The following SIPA1L2 variants were observed in gnomAD, a reference collection of about 807,000 sequenced individuals.
SIPA1L2 encodes signal induced proliferation associated 1 like 2.
A neutral mutation model predicts 163.9 loss-of-function variants in SIPA1L2; 56 were observed. The observed-to-expected ratio is 0.34, with a 90% confidence interval of 0.28 to 0.43. The LOEUF is 0.43. Ranked by LOEUF, SIPA1L2 falls within the 20% of genes least tolerant of loss-of-function variation. The pLI, the probability that SIPA1L2 is intolerant of heterozygous loss-of-function variation, is 1.00. For missense variants in SIPA1L2, 1,974 were observed against 2,193.5 expected (o/e 0.90, Z 2.00); for synonymous variants, 877 against 865.7 (o/e 1.01, Z -0.23).
At chr1:232,609,907 T>C (rs1662156829) in intron 1 of SIPA1L2, among the ~76,000 whole-genome samples, 1 of 151,466 alleles carries the variant, frequency 6.6e-6, no homozygotes, top group Non-Finnish European at 1.5e-5. Flanking sequence ...CTTAAAATAA[T>C]GATATGCATG....
intron 3 of SIPA1L2, among the ~76,000 whole-genome samples, chr1:232,501,573 A>G (rs879797753): frequency 3.9e-5 from 6 of 152,116 alleles, no homozygotes; most frequent in Non-Finnish European, 5.9e-5. Flanking sequence ...GACTTTCACT[A>G]AGTACCCACT....
chr1:232,435,225 T>C (rs1261114907), intron 15 of SIPA1L2, among the ~76,000 whole-genome samples: 1 of 152,222 alleles, frequency 6.6e-6, no homozygotes, highest in African/African-American at 2.4e-5. Context: ...TGAAAATGTA[T>C]AGGTAATGAT....
Position 232,465,533 on chromosome 1 carries a change from CATAT to C in SIPA1L2, c.2244-121_2244-118del. The C allele has an allele frequency of 2.5e-6, 2 of 799,926 alleles. No individual in the cohort carries two copies. Among genetic ancestry groups the C allele is most frequent in the Non-Finnish European group, 3.9e-6 (2 of 511,476 alleles). The allele number at this position is 799,926 out of a possible 1,614,324, so 49.6% of individuals were successfully genotyped here. A position where few individuals can be genotyped will look rare whatever the true frequency, so the allele number is the denominator to read the frequency against. Reference sequence around the variant, plus strand: ...ACATATACATACACACACACACACACATATACATACACACATACACACACACTTT... The same window carrying C: ...ACATATACATACACACACACACACACACATACACACATACACACACACTTT... On this transcript the variant is annotated intron_variant, in intron 8 of 22. Coordinates refer to ENST00000674635, the MANE Select transcript of SIPA1L2 (RefSeq NM_020808.5). This position sits in a 1 kb window ranked among gnomAD's most constrained non-coding sequence, Gnocchi z 4.1.
chr1:232,566,995 C>T (rs1659442072), intron 2 of SIPA1L2, among the ~76,000 whole-genome samples: 1 of 152,094 alleles, frequency 6.6e-6, no homozygotes, highest in Non-Finnish European at 1.5e-5. Flanking sequence ...TCCTAACTGC[C>T]TACAGAAGCA....
In SIPA1L2 at chr1:232,509,418, G is replaced by C. The variant is rs564938466; in HGVS notation, c.1483+4439C>G. 3.3e-5 allele frequency among the ~76,000 whole-genome samples: 5 copies of C among 152,236 alleles called. No individual in the cohort carries two copies. The South Asian group carries it at 1.0e-3, about 32-fold the overall frequency. ...CACAGAACAAAATAAAAGCACTCTG[G>C]AAAGTATTGAAAGATAGATCCCTGA... is the stretch of plus-strand genomic sequence containing the variant. On this transcript the variant is annotated intron_variant, in intron 3 of 22. Coordinates refer to ENST00000674635, the MANE Select transcript of SIPA1L2 (RefSeq NM_020808.5).
chr1:232,617,907 A>G (rs1662587133), intron 1 of SIPA1L2, among the ~76,000 whole-genome samples: 1 of 142,740 alleles, frequency 7.0e-6, no homozygotes, highest in Non-Finnish European at 1.5e-5. Flanking sequence ...TTTAGTGATA[A>G]AAGTGTAAAA....
intron 3 of SIPA1L2, among the ~76,000 whole-genome samples, chr1:232,505,594 A>G (rs115166498): frequency 0.012 from 1,848 of 152,260 alleles, 40 homozygotes; most frequent in African/African-American, 0.042. Flanking sequence ...ACTGTGGTGT[A>G]TGGGAACTGT....
At chr1:232,405,607 A>G (rs953547873) in intron 19 of SIPA1L2, among the ~76,000 whole-genome samples, 2 of 152,170 alleles carry the variant, frequency 1.3e-5, no homozygotes, top group African/African-American at 4.8e-5. Context: ...TCTGTTCTGT[A>G]AAGAGCCCAG....
rs554723952 is a variant in SIPA1L2, at chr1:232,426,304, G to A, written c.4411-496C>T. Among the ~76,000 whole-genome samples, 11 of 152,068 alleles carry A rather than the reference G, an allele frequency of 7.2e-5. No individual in the cohort carries two copies. The South Asian group carries it at 2.1e-3, about 29-fold the overall frequency. On this transcript the variant is annotated intron_variant, in intron 17 of 22. Coordinates refer to ENST00000674635, the MANE Select transcript of SIPA1L2 (RefSeq NM_020808.5). ...TAATTGTGAACATTGAAGCTTTGCCGGCCACATAAACACATTTCCAAAAAT... is the reference window on the plus strand; with the variant it reads ...TAATTGTGAACATTGAAGCTTTGCCAGCCACATAAACACATTTCCAAAAAT...
rs1457548741 is a variant in SIPA1L2 at position 232,519,292 on chromosome 1, A to G, written c.-269-3684T>C. Among the ~76,000 whole-genome samples the G allele has an allele frequency of 7.9e-5, 12 of 152,258 alleles. No homozygotes were observed. The East Asian group carries it at 2.3e-3, about 29-fold the overall frequency. ...CCCAAGGCCCATTCCCAAACATGGT[A>G]GTTAATAAAACGGCCAATCCTGCCA... On this transcript the variant is annotated intron_variant, in intron 2 of 22. Transcript: ENST00000674635.
chr1:232,467,371 C>G (rs549370177), intron 8 of SIPA1L2, among the ~76,000 whole-genome samples: 1 of 152,112 alleles, frequency 6.6e-6, no homozygotes, highest in African/African-American at 2.4e-5. Context: ...AAAAACATCA[C>G]AGAGGTTGAC....
intron 1 of SIPA1L2, among the ~76,000 whole-genome samples, chr1:232,616,376 T>C (rs946112905): frequency 2.0e-5 from 3 of 152,210 alleles, no homozygotes; most frequent in Non-Finnish European, 4.4e-5. Context: ...CGACATTCCC[T>C]AGCATCCCCT....
intron 15 of SIPA1L2, among the ~76,000 whole-genome samples, chr1:232,438,144 G>A (rs547468378): frequency 3.9e-5 from 6 of 152,246 alleles, no homozygotes; most frequent in African/African-American, 1.4e-4. Flanking sequence ...AGGGGAGCCT[G>A]AGGAACATAA....
intron 19 of SIPA1L2, among the ~76,000 whole-genome samples, chr1:232,404,950 A>G (rs1447422428): frequency 6.6e-6 from 1 of 152,104 alleles, no homozygotes; most frequent in East Asian, 1.9e-4. Flanking sequence ...TTTTCCTATG[A>G]ATTGGTTAAT....
Position 232,563,394 on chromosome 1 carries a change from C to T in SIPA1L2, c.-270+10780G>A, listed in dbSNP as rs12564237. Among the ~76,000 whole-genome samples the T allele has an allele frequency of 0.049, 7,436 of 152,138 alleles. 826 individuals carry two copies. In the East Asian group the frequency reaches 0.49, roughly 10 times the overall value. On this transcript the variant is annotated intron_variant, in intron 2 of 22. Coordinates refer to ENST00000674635, the MANE Select transcript of SIPA1L2 (RefSeq NM_020808.5). Reference sequence around the variant, plus strand: ...CCTACACAAGAATATGAGAGGAATGCGGGGGGACCTAGGCAGGCAAACAGA... The same window carrying T: ...CCTACACAAGAATATGAGAGGAATGTGGGGGGACCTAGGCAGGCAAACAGA...
At chr1:232,447,344 TCTACCCCCA>T (rs1663277644) in intron 10 of SIPA1L2, among the ~76,000 whole-genome samples, 2 of 152,240 alleles carry the variant, frequency 1.3e-5, no homozygotes, top group African/African-American at 4.8e-5. Context: ...ATGTTGTCTA[TCTACCCCCA>T]GCTGGCTGAT....
Position 232,624,804 on chromosome 1 carries a change from T to C in SIPA1L2, c.-319+5065A>G, listed in dbSNP as rs1176658335. ...TTAGTAAAATAGGAAGAGAAGTATATCAACCAATTAAAACAAAACCGGAAG... is the reference window on the plus strand; with the variant it reads ...TTAGTAAAATAGGAAGAGAAGTATACCAACCAATTAAAACAAAACCGGAAG... On this transcript the variant is annotated intron_variant, in intron 1 of 22. Coordinates refer to ENST00000674635, the MANE Select transcript of SIPA1L2 (RefSeq NM_020808.5). Among the ~76,000 whole-genome samples the C allele has an allele frequency of 2.6e-5, 4 of 152,286 alleles. No individual in the cohort carries two copies. In the East Asian group the frequency reaches 7.7e-4, roughly 29 times the overall value.
At chr1:232,434,540 GAACAGTAAAGC>G (rs1662438468) in intron 15 of SIPA1L2, among the ~76,000 whole-genome samples, 1 of 152,010 alleles carries the variant, frequency 6.6e-6, no homozygotes, top group Non-Finnish European at 1.5e-5. Context: ...CAGGTCGGGA[GAACAGTAAAGC>G]AACATGACCA....
chr1:232,424,919 T>C (rs919405384), intron 18 of SIPA1L2, among the ~76,000 whole-genome samples: 1 of 151,822 alleles, frequency 6.6e-6, no homozygotes, highest in Admixed American at 6.6e-5. Flanking sequence ...AAGGCTAACA[T>C]AAAAAAAAGT....
Sources: allele counts gnomAD v4.1 joint callset (sites outside exome capture counted in the v4.1 genomes callset), GRCh38; gene constraint gnomAD v4.1.1; non-coding constraint Gnocchi (gnomAD v3.1); transcripts MANE v1.5; gene names NCBI Gene and HGNC (gene_info 2026-07-23, HGNC 2026-07-21).